PCDHA1: variants seen among roughly 807,000 people sequenced by gnomAD.
The protein encoded by PCDHA1 is protocadherin alpha-1.
Under a neutral mutation model 61.3 loss-of-function variants are expected in PCDHA1, and 42 were observed. That is an observed-to-expected ratio of 0.69 (90% CI 0.54 to 0.89). The LOEUF (loss-of-function observed/expected upper bound fraction) is 0.89. Among genes scored for constraint, PCDHA1 ranks in the 40% least tolerant of loss-of-function variants. The pLI, the probability that PCDHA1 is intolerant of heterozygous loss-of-function variation, is 0.00. For synonymous variants in PCDHA1, 610 were observed against 553.8 expected (o/e 1.10, Z -1.43); for missense variants, 1,256 against 1,235.3 (o/e 1.02, Z -0.25).
At chr5:140,837,917 G>A (rs1390684989) in intron 1 of PCDHA1, among the ~76,000 whole-genome samples, 2 of 151,626 alleles carry the variant, frequency 1.3e-5, no homozygotes, top group African/African-American at 4.9e-5. Flanking sequence ...GGCTTCAAGC[G>A]ATCCTCCTAC....
chr5:140,829,848 G>T, intron 1 of PCDHA1: 1 of 1,613,962 alleles, frequency 6.2e-7, no homozygotes, highest in Non-Finnish European at 8.5e-7. Flanking sequence ...CGGTCACTGG[G>T]TGCAGGCCAA....
intron 1 of PCDHA1, chr5:140,853,974 A>G: frequency 1.7e-6 from 1 of 605,490 alleles, no homozygotes; most frequent in Non-Finnish European, 2.1e-6. Flanking sequence ...GCAGTTTGAG[A>G]CCAATGTAGT....
chr5:140,962,028 C>T (rs1046578713), intron 1 of PCDHA1, among the ~76,000 whole-genome samples: 81 of 152,150 alleles, frequency 5.3e-4, no homozygotes, highest in African/African-American at 1.8e-3. Context: ...GGACTACAGG[C>T]ACCCACCACC....
rs149731120 is a variant in PCDHA1 at position 140,857,612 on chromosome 5, C to T, written c.2394+68928C>T. On this transcript the variant is annotated intron_variant, in intron 1 of 3. Coordinates refer to ENST00000504120, the MANE Select transcript of PCDHA1 (RefSeq NM_018900.4). ...CGGCAAGGTGTACGCGCTGCAGCCGCTGGACCACGAGGAGCTGGAGCTGCT... is the reference window on the plus strand; with the variant it reads ...CGGCAAGGTGTACGCGCTGCAGCCGTTGGACCACGAGGAGCTGGAGCTGCT... 1.6e-4 allele frequency: 263 copies of T among 1,596,592 alleles called. 14 individuals carry two copies. Among genetic ancestry groups the T allele is most frequent in the African/African-American group, 1.5e-3 (115 of 74,450 alleles).
intron 1 of PCDHA1, chr5:140,834,635 G>T: frequency 6.2e-7 from 1 of 1,614,092 alleles, no homozygotes; most frequent in African/African-American, 1.3e-5. Context: ...ATGGCATTTT[G>T]TTTGTGAATT....
chr5:140,797,468 G>T, intron 1 of PCDHA1: 1 of 1,229,416 alleles, frequency 8.1e-7, no homozygotes, highest in South Asian at 1.5e-5. Flanking sequence ...TCATCCTACC[G>T]TGCGATTTTG....
At chr5:140,962,790 C>T (rs899867239) in intron 1 of PCDHA1, among the ~76,000 whole-genome samples, 28 of 152,286 alleles carry the variant, frequency 1.8e-4, no homozygotes, top group African/African-American at 6.0e-4. Flanking sequence ...TTAAAAACTA[C>T]TTTGGACAAC....
Position 140,835,448 on chromosome 5 carries a change from G to T in PCDHA1, c.2394+46764G>T, listed in dbSNP as rs2150235921. On this transcript the variant is annotated intron_variant, in intron 1 of 3. Transcript: ENST00000504120. The stretch of plus-strand genomic sequence containing the variant: ...CTCCACAGTTGACTCTCACTTCCCT[G>T]TCTCTCCCTATTCCAGAGGACGCCC... 11 of 1,613,768 alleles carry T rather than the reference G, an allele frequency of 6.8e-6. No homozygotes were observed. The South Asian group carries it at 1.2e-4, about 18-fold the overall frequency.
At chr5:140,843,632 G>T (rs2150363931) in intron 1 of PCDHA1, 1 of 1,595,968 alleles carries the variant, frequency 6.3e-7, no homozygotes, top group South Asian at 1.1e-5. Flanking sequence ...GGACCTCATG[G>T]CCTTCAGCCC....
chr5:141,007,779 C>T (rs1378096050), intron 3 of PCDHA1, among the ~76,000 whole-genome samples: 4 of 152,184 alleles, frequency 2.6e-5, no homozygotes, highest in African/African-American at 9.7e-5. Context: ...AATGGTACTG[C>T]TTTACAAATT....
At chr5:140,834,771 C>T (rs2150226115) in intron 1 of PCDHA1, 18 of 1,613,874 alleles carry the variant, frequency 1.1e-5, no homozygotes, top group Middle Eastern at 3.3e-4. Flanking sequence ...TAACGACAAC[C>T]CTCCGGTGTT....
rs782328804 is a variant in PCDHA1, at chr5:140,882,548, G to A, written c.2394+93864G>A. The A allele has an allele frequency of 5.3e-5, 86 of 1,614,126 alleles. No homozygotes were observed. The highest frequency in any genetic ancestry group is 4.9e-4 in the East Asian group (22 of 44,902). ...TGTGAATTCTCGGATCGACCGCGAG[G>A]AGCTGTGTGGGCGGAGCGCGGAGTG... On this transcript the variant is annotated intron_variant, in intron 1 of 3. Transcript: ENST00000504120.
At chr5:140,977,588 A>G (rs1237547807) in intron 1 of PCDHA1, among the ~76,000 whole-genome samples, 1 of 152,182 alleles carries the variant, frequency 6.6e-6, no homozygotes, top group Non-Finnish European at 1.5e-5. Context: ...GAGAGCAGTT[A>G]GCATGTGAGG....
intron 1 of PCDHA1, chr5:140,828,472 C>T (rs1554131328): frequency 1.9e-6 from 3 of 1,614,216 alleles, no homozygotes; most frequent in African/African-American, 1.3e-5. Flanking sequence ...GGGACATTAA[C>T]GACAACCCGC....
intron 1 of PCDHA1, chr5:140,843,459 T>C (rs2150360511): frequency 2.5e-6 from 4 of 1,596,020 alleles, no homozygotes; most frequent in Non-Finnish European, 3.4e-6. Context: ...CTGCTGGTGC[T>C]CACGCTGCTG....
At chr5:140,812,199 AG>A (rs1349362619) in intron 1 of PCDHA1, 6 of 151,156 alleles carry the variant, frequency 4.0e-5, no homozygotes, top group Non-Finnish European at 7.4e-5. Context: ...TCTCCTTACT[AG>A]TTACAGCTTT....
chr5:140,990,871 G>GT, intron 3 of PCDHA1, among the ~76,000 whole-genome samples: 1 of 152,284 alleles, frequency 6.6e-6, no homozygotes, highest in East Asian at 1.9e-4. Context: ...TATTTTAAGT[G>GT]TATGTTCCAG....
chr5:140,828,941 C>T (rs2150161087), intron 1 of PCDHA1: 5 of 1,614,196 alleles, frequency 3.1e-6, no homozygotes, highest in African/African-American at 2.7e-5. Context: ...TTTTAATAGC[C>T]TTGTTGCAGC....
At chr5:140,927,142 G>T (rs781883795) in intron 1 of PCDHA1, 1 of 1,614,128 alleles carries the variant, frequency 6.2e-7, no homozygotes, top group South Asian at 1.1e-5. Context: ...GGCGGACCGC[G>T]AACAGCTGTG....
Sources: allele counts gnomAD v4.1 joint callset (sites outside exome capture counted in the v4.1 genomes callset), GRCh38; gene constraint gnomAD v4.1.1; transcripts MANE v1.5; gene names NCBI Gene and HGNC (gene_info 2026-07-23, HGNC 2026-07-21).